The following TAOK2 variants were observed in gnomAD, a reference collection of about 807,000 sequenced individuals.
TAOK2 encodes TAO kinase 2, also known as serine/threonine-protein kinase TAO2.
TAOK2 carries 42 observed loss-of-function variants against 122.5 expected under a neutral mutation model. The observed-to-expected ratio is 0.34, with a 90% CI of 0.27 to 0.44. The LOEUF is 0.44. TAOK2 is among the 20% of genes least tolerant of loss of function. The pLI, the probability that TAOK2 is intolerant of heterozygous loss-of-function variation, is 1.00. For synonymous variants in TAOK2, 704 were observed against 677.6 expected (o/e 1.04, Z -0.61); for missense variants, 1,264 against 1,644.9 (o/e 0.77, Z 4.01).
At chr16:29,975,536 C>T (rs1596591119) in intron 1 of TAOK2, among the ~76,000 whole-genome samples, 2 of 152,160 alleles carry the variant, frequency 1.3e-5, no homozygotes, top group Non-Finnish European at 2.9e-5. Context: ...AGCTTCCTTT[C>T]CAGGAGGGCT....
chr16:29,983,796 G>C, intron 13 of TAOK2, 132 bp downstream of exon 13: 1 of 1,394,362 alleles, frequency 7.2e-7, no homozygotes, highest in Non-Finnish European at 9.7e-7. Flanking sequence ...GCTGGCTCCT[G>C]CCTGCTCCCC....
chr16:29,985,707 T>A lies in TAOK2; in HGVS notation c.1838T>A (p.Leu613Gln). ...CCCAAGCGGGAGAAGGCCGAGTGGC[T>A]GCTGCGGCAGAAGGAGCAGCTCCAG... ...STPKREKAEW[L>Q]LRQKEQLQQC... The change falls in exon 15 of 16, where the codon CTG becomes CAG. Residue 613 changes from leucine (L) to glutamine (Q), a missense_variant. This residue lies in a region of TAOK2 where 824 missense variants were observed against 908.7 expected (regional missense o/e 0.91). Transcript: ENST00000308893. The surrounding 1 kb of genome is among the most constrained non-coding windows in gnomAD (Gnocchi z 6.9). 1.2e-6 allele frequency: 2 copies of A among 1,608,034 alleles called. No homozygotes were observed. The highest frequency in any genetic ancestry group is 1.3e-5 in the African/African-American group (1 of 74,974).
chr16:29,983,519 A>G lies in TAOK2; in HGVS notation c.1277A>G (p.Tyr426Cys), dbSNP rs1473954894. 5 of 1,612,110 alleles carry G rather than the reference A, an allele frequency of 3.1e-6. No individual in the cohort carries two copies. The East Asian group carries it at 6.7e-5, about 22-fold the overall frequency. The change falls in exon 13 of 16, where the codon TAT becomes TGT. Residue 426 changes from tyrosine to cysteine, a missense_variant. Physicochemically the swap from Tyr to Cys is radical, Grantham distance 194. Transcript: ENST00000308893. The part of the protein sequence containing the change: ...IHRLPGSDNL[Y>C]DDPYQPEITP... ...TCCCTCTAGGGCTCTGACAACCTAT[A>G]TGATGACCCCTACCAGCCAGAGATA...
chr16:29,986,683 A>G lies in TAOK2; in HGVS notation c.2411A>G (p.Lys804Arg), dbSNP rs2069808449. Reference sequence around the variant, plus strand: ...GTTGGAGAGAGAAGGATTCTGGGAAAGGAAGGGGCCACTTTGGAGCCCAAG... The same window carrying G: ...GTTGGAGAGAGAAGGATTCTGGGAAGGGAAGGGGCCACTTTGGAGCCCAAG... ...EAVGERRILG[K>R]EGATLEPKQQ... Residue 804 changes from lysine to arginine, a missense_variant, in exon 16 of 16, where the codon AAG (lysine) becomes AGG (arginine). Physicochemically the swap from Lys to Arg is conservative, Grantham distance 26 (BLOSUM62 2). This residue lies in a region of TAOK2 where 824 missense variants were observed against 908.7 expected (regional missense o/e 0.91). Coordinates refer to ENST00000308893, the MANE Select transcript of TAOK2 (RefSeq NM_016151.4). The surrounding 1 kb of genome is among the most constrained non-coding windows in gnomAD (Gnocchi z 4.2). The G allele has an allele frequency of 6.2e-7, 1 of 1,613,622 alleles. No homozygotes were observed. Among genetic ancestry groups the G allele is most frequent in the Non-Finnish European group, 8.5e-7 (1 of 1,179,826 alleles).
In TAOK2 at chr16:29,978,348, G is replaced by A. The variant is rs2069518610; in HGVS notation, c.301G>A (p.Ala101Thr). 1 of 1,613,978 alleles carries A rather than the reference G, an allele frequency of 6.2e-7. No homozygotes were observed. The highest frequency in any genetic ancestry group is 8.5e-7 in the Non-Finnish European group (1 of 1,180,006). ...GGGCTGTTACCTGAGGGAGCACACG[G>A]CTTGGGTGAGCTGGTGCCAGATTCT... Reference protein sequence around the residue: ...YRGCYLREHTAWLVMEYCLGS... With the variant: ...YRGCYLREHTTWLVMEYCLGS... The change falls in exon 4 of 16, where the codon GCT (alanine) becomes ACT (threonine). Residue 101 changes from alanine to threonine, a missense_variant. Coordinates refer to ENST00000308893, the MANE Select transcript of TAOK2 (RefSeq NM_016151.4).
Position 29,978,103 on chromosome 16 carries a change from G to A in TAOK2, c.147G>A (p.Arg49=). Residue 49 remains arginine (R), a synonymous_variant, in exon 3 of 16, where the codon CGG becomes CGA. Transcript: ENST00000308893. ...TGGTCCTCTAGGCCCGGGATGTCCG[G>A]AATAGTGAGGTGGTGGCCATCAAGA... The part of the protein sequence containing the change: ...FGAVYFARDV[R]NSEVVAIKKM... 6.2e-7 allele frequency: 1 copy of A among 1,614,170 alleles called. No homozygotes were observed. The highest frequency in any genetic ancestry group is 8.5e-7 in the Non-Finnish European group (1 of 1,180,022).
chr16:29,984,132 C>G (rs183130767), intron 13 of TAOK2, among the ~76,000 whole-genome samples: 1 of 152,214 alleles, frequency 6.6e-6, no homozygotes, highest in African/African-American at 2.4e-5. Flanking sequence ...CCCCAGAGGG[C>G]AGGGATGGTG....
chr16:29,985,467 C>G lies in TAOK2; in HGVS notation c.1677C>G (p.Ala559=). ...AGAAGGAGGCACGAGCTGCCCAGGC[C>G]GAGGAGCGGAAGTTCCAGCAGCACA... is the stretch of plus-strand genomic sequence containing the variant. ...IGEKEARAAQ[A]EERKFQQHIL... is the part of the protein sequence containing the mutation. Residue 559 remains alanine, a synonymous_variant, in exon 14 of 16, where the codon GCC becomes GCG. Transcript: ENST00000308893. The surrounding 1 kb of genome is among the most constrained non-coding windows in gnomAD (Gnocchi z 6.9). The G allele has an allele frequency of 2.5e-6, 4 of 1,612,558 alleles. No homozygotes were observed. The highest frequency in any genetic ancestry group is 3.4e-6 in the Non-Finnish European group (4 of 1,179,380).
At chr16:29,977,301 G>A (rs1260480296) in intron 1 of TAOK2, among the ~76,000 whole-genome samples, 3 of 152,164 alleles carry the variant, frequency 2.0e-5, no homozygotes, top group African/African-American at 4.8e-5. Flanking sequence ...AGAGGTTGAG[G>A]GAGGAGGGGG....
At position 29,986,774 on chromosome 16, in the gene TAOK2, G is replaced by C. The variant is rs778329968; in HGVS notation, c.2502G>C (p.Leu834=). The C allele has an allele frequency of 1.2e-6, 2 of 1,613,860 alleles. No individual in the cohort carries two copies. The highest frequency in any genetic ancestry group is 2.2e-5 in the East Asian group (1 of 44,884). ...PSPSPQKHGS[L]VDEEVWGLPE... is the part of the protein sequence containing the mutation. ...CCAGTCCACAAAAACATGGGAGCCT[G>C]GTTGATGAGGAAGTTTGGGGTCTGC... The change falls in exon 16 of 16, where the codon CTG becomes CTC. Residue 834 remains leucine, a synonymous_variant. Transcript: ENST00000308893. The surrounding 1 kb of genome is among the most constrained non-coding windows in gnomAD (Gnocchi z 4.2).
Position 29,981,547 on chromosome 16 carries a change from A to T in TAOK2, c.656-114A>T, listed in dbSNP as rs751355201. 38 of 903,896 alleles carry T rather than the reference A, an allele frequency of 4.2e-5. No homozygotes were observed. In the African/African-American group the frequency reaches 5.7e-4, roughly 14 times the overall value. The allele number at this position is 903,896 out of a possible 1,614,324, so 56.0% of individuals were successfully genotyped here. ...AGGATGATGGGAACTTCTCAAGGTC[A>T]TGTGGCAAGGAAGTCAAGGAATTGG... On this transcript the variant is annotated intron_variant, in intron 8 of 15. Coordinates refer to ENST00000308893, the MANE Select transcript of TAOK2 (RefSeq NM_016151.4).
Position 29,987,928 on chromosome 16 carries a change from C to A in TAOK2, c.3656C>A (p.Ala1219Asp). 1 of 1,550,156 alleles carries A rather than the reference C, an allele frequency of 6.5e-7. No homozygotes were observed. The change falls in exon 16 of 16, where the codon GCC (alanine) becomes GAC (aspartate). Residue 1219 changes from alanine to aspartate, a missense_variant. By Grantham distance (126) the Ala-to-Asp change is moderately radical. Around this residue, in one of 4 missense-constraint regions of TAOK2, gnomAD observed 824 missense variants for 908.7 expected, o/e 0.91. Coordinates refer to ENST00000308893, the MANE Select transcript of TAOK2 (RefSeq NM_016151.4). ...ASRQPLPGTL[A>D]GRRSRTRQSR... ...CGCCAGCCACTGCCAGGGACTCTAG[C>A]CGGGCGGAGGTCACGCACCCGCCAG...
Position 29,982,792 on chromosome 16 carries a change from C to G in TAOK2, c.890C>G (p.Thr297Ser). The G allele has an allele frequency of 6.2e-7, 1 of 1,614,026 alleles. No homozygotes were observed. The highest frequency in any genetic ancestry group is 8.5e-7 in the Non-Finnish European group (1 of 1,179,940). Residue 297 changes from threonine (T) to serine (S), a missense_variant, in exon 11 of 16, where the codon ACC (threonine) becomes AGC (serine). Thr to Ser is a moderately conservative substitution (Grantham distance 58). Transcript: ENST00000308893. ...GTCATCATGGACCTGATCCAGAGGA[C>G]CAAGGATGCCGTGCGGGAGCTGGAC... is the stretch of plus-strand genomic sequence containing the variant. ...PTVIMDLIQR[T>S]KDAVRELDNL...
At position 29,985,778 on chromosome 16, in the gene TAOK2, C is replaced by G. The variant is rs775639559; in HGVS notation, c.1909C>G (p.Gln637Glu). The change falls in exon 15 of 16, where the codon CAG becomes GAG. Residue 637 changes from glutamine (Q) to glutamate (E), a missense_variant. By Grantham distance (29) the Gln-to-Glu change is conservative. Coordinates refer to ENST00000308893, the MANE Select transcript of TAOK2 (RefSeq NM_016151.4). This position sits in a 1 kb window ranked among gnomAD's most constrained non-coding sequence, Gnocchi z 6.9. The part of the protein sequence containing the change: ...EEAGLLRRQR[Q>E]YFELQCRQYK... ...AGCAGGGCTGCTGCGGCGGCAGCGC[C>G]AGTACTTTGAGCTGCAGTGTCGCCA... is the stretch of plus-strand genomic sequence containing the variant. 6.2e-7 allele frequency: 1 copy of G among 1,611,520 alleles called. No homozygotes were observed. Among genetic ancestry groups the G allele is most frequent in the South Asian group, 1.1e-5 (1 of 90,906 alleles).
Position 29,985,740 on chromosome 16 carries a change from A to G in TAOK2, c.1871A>G (p.Gln624Arg). The G allele has an allele frequency of 6.2e-7, 1 of 1,610,570 alleles. No homozygotes were observed. The highest frequency in any genetic ancestry group is 8.5e-7 in the Non-Finnish European group (1 of 1,179,120). Residue 624 changes from glutamine (Q) to arginine (R), a missense_variant, in exon 15 of 16, where the codon CAG (glutamine) becomes CGG (arginine). Coordinates refer to ENST00000308893, the MANE Select transcript of TAOK2 (RefSeq NM_016151.4). This position sits in a 1 kb window ranked among gnomAD's most constrained non-coding sequence, Gnocchi z 6.9. ...CAGAAGGAGCAGCTCCAGCAGTGCC[A>G]GGCGGAGGAGGAAGCAGGGCTGCTG... Reference protein sequence around the residue: ...LRQKEQLQQCQAEEEAGLLRR... With the variant: ...LRQKEQLQQCRAEEEAGLLRR...
In TAOK2 at chr16:29,978,288, C is replaced by T; in HGVS notation, c.241C>T (p.Gln81Ter). 1 of 1,614,132 alleles carries T rather than the reference C, an allele frequency of 6.2e-7. No homozygotes were observed. Among genetic ancestry groups the T allele is most frequent in the Non-Finnish European group, 8.5e-7 (1 of 1,180,018 alleles). Residue 81 changes from glutamine to a stop codon, truncating the protein, a stop_gained, in exon 4 of 16, where the codon CAG becomes TAG. Transcript: ENST00000308893. LOFTEE classifies it high-confidence loss of function. ...CATCATCAAGGAGGTGCGGTTCTTA[C>T]AGAAGCTCCGGCATCCCAACACCAT... is the stretch of plus-strand genomic sequence containing the variant. ...QDIIKEVRFL[Q>*]KLRHPNTIQY... is the part of the protein sequence containing the mutation.
chr16:29,979,144 G>A lies in TAOK2; in HGVS notation c.450-51G>A. 6.2e-7 allele frequency: 1 copy of A among 1,613,472 alleles called. No individual in the cohort carries two copies. Among genetic ancestry groups the A allele is most frequent in the Non-Finnish European group, 8.5e-7 (1 of 1,179,410 alleles). On this transcript the variant is annotated intron_variant, in intron 6 of 15. Transcript: ENST00000308893. This position sits in a 1 kb window ranked among gnomAD's most constrained non-coding sequence, Gnocchi z 4.1. ...CCTGTCACTTAGCTGGGCTGCCCCT[G>A]CCTAGCTTTCTTGAGACACATGTCT... is the stretch of plus-strand genomic sequence containing the variant.
chr16:29,990,754 T>A, downstream of TAOK2: 1 of 1,572,586 alleles, frequency 6.4e-7, no homozygotes, highest in South Asian at 1.2e-5. Flanking sequence ...GGGGAGGAGA[T>A]CCCTACAACT....
In TAOK2 at chr16:29,983,602, G is replaced by A. The variant is rs993846350; in HGVS notation, c.1360G>A (p.Ala454Thr). ...APAPTSTTSS[A>T]RRRAYCRNRD... Reference sequence around the variant, plus strand: ...AGCTCCCACTTCCACCACCTCTTCCGCCCGCCGCCGGGCCTACTGCCGTAA... The same window carrying A: ...AGCTCCCACTTCCACCACCTCTTCCACCCGCCGCCGGGCCTACTGCCGTAA... The change falls in exon 13 of 16, where the codon GCC (alanine) becomes ACC (threonine). Residue 454 changes from alanine to threonine, a missense_variant. By Grantham distance (58) the Ala-to-Thr change is moderately conservative. This residue lies in a region of TAOK2 where 122 missense variants were observed against 116.7 expected (regional missense o/e 1.04). Transcript: ENST00000308893. 2.5e-6 allele frequency: 4 copies of A among 1,613,594 alleles called. No individual in the cohort carries two copies. The highest frequency in any genetic ancestry group is 3.4e-6 in the Non-Finnish European group (4 of 1,179,982).
Sources: allele counts gnomAD v4.1 joint callset (sites outside exome capture counted in the v4.1 genomes callset), GRCh38; gene constraint gnomAD v4.1.1; regional missense constraint gnomAD v4.1.1; non-coding constraint Gnocchi (gnomAD v3.1); transcripts MANE v1.5; gene names NCBI Gene and HGNC (gene_info 2026-07-23, HGNC 2026-07-21).